ZYG11B: variants seen among roughly 807,000 people sequenced by gnomAD.
ZYG11B encodes the protein zyg-11 family member B, cell cycle regulator, also known as protein zyg-11 homolog B.
In ZYG11B, 36 loss-of-function variants were observed where a neutral mutation model predicts 82.4. That is an observed-to-expected ratio of 0.44 (90% CI 0.33 to 0.58). The LOEUF is 0.58. Ranked by LOEUF, ZYG11B falls within the 20% of genes least tolerant of loss-of-function variation. ZYG11B has a pLI of 0.02. For synonymous variants in ZYG11B, 303 were observed against 312.8 expected, an observed-to-expected ratio of 0.97 and a Z score of 0.33; for missense variants, 552 against 895.6, an observed-to-expected ratio of 0.62 and a Z score of 4.90.
At chr1:52,760,945 T>G (rs1644625012) in intron 2 of ZYG11B, among the ~76,000 whole-genome samples, 1 of 151,864 alleles carries the variant, frequency 6.6e-6, no homozygotes. Flanking sequence ...GTATTTTTAG[T>G]AGAGACAGGG....
rs866247959 is a variant in ZYG11B, at chr1:52,796,522, C to T, written c.1434+131C>T. 46 of 942,406 alleles carry T rather than the reference C, an allele frequency of 4.9e-5. 1 individual carries two copies. The Middle Eastern group carries it at 1.1e-3, about 22-fold the overall frequency. The allele number at this position is 942,406 out of a possible 1,614,324, so 58.4% of individuals were successfully genotyped here. ...CCAGCCTGCTTATTCAAGCTACATT[C>T]GATATTGCAGAATTTGGCTGGGCAC... On this transcript the variant is annotated intron_variant, in intron 7 of 13. Transcript: ENST00000294353.
At chr1:52,756,346 GAC>G in intron 1 of ZYG11B, 110 bp from the exon 2 acceptor site, 1 of 972,896 alleles carries the variant, frequency 1.0e-6, no homozygotes, top group Non-Finnish European at 1.5e-6. Context: ...GCATATGATA[GAC>G]ACTAAAGAAA....
rs1644857745 is a variant in ZYG11B, at chr1:52,781,679, A to C, written c.1092+1686A>C. 3.3e-5 allele frequency among the ~76,000 whole-genome samples: 5 copies of C among 152,148 alleles called. No individual in the cohort carries two copies. The South Asian group carries it at 1.0e-3, about 32-fold the overall frequency. ...AGGACTCTATTATATTTGGCACCTCATTTAGTGGGCACAATTCCAAGAGAT... is the reference window on the plus strand; with the variant it reads ...AGGACTCTATTATATTTGGCACCTCCTTTAGTGGGCACAATTCCAAGAGAT... On this transcript the variant is annotated intron_variant, in intron 4 of 13. Transcript: ENST00000294353.
intron 6 of ZYG11B, among the ~76,000 whole-genome samples, chr1:52,794,363 A>C (rs754432658): frequency 6.6e-6 from 1 of 152,224 alleles, no homozygotes; most frequent in East Asian, 1.9e-4. Context: ...GAAGAATGCA[A>C]GTAGTGGGCC....
At chr1:52,796,967 A>AAT (rs753622042) in intron 8 of ZYG11B, among the ~76,000 whole-genome samples, 183 bp downstream of exon 8, 2 of 78,164 alleles carry the variant, frequency 2.6e-5, no homozygotes, top group African/African-American at 6.5e-5. Context: ...TATTATATAT[A>AAT]ATATATATAA....
At chr1:52,755,822 CAG>C (rs1473482614) in intron 1 of ZYG11B, among the ~76,000 whole-genome samples, 3 of 151,976 alleles carry the variant, frequency 2.0e-5, no homozygotes, top group African/African-American at 7.3e-5. Context: ...TTTTTTGAGA[CAG>C]AGCCTCACTC....
intron 10 of ZYG11B, among the ~76,000 whole-genome samples, chr1:52,803,131 TATACACAC>T (rs1179886662): frequency 0.018 from 1,356 of 74,116 alleles, 110 homozygotes; most frequent in African/African-American, 0.052. Flanking sequence ...CACATATATA[TATACACAC>T]ATATATATAT....
chr1:52,801,868 C>G lies in ZYG11B; in HGVS notation c.1535C>G (p.Thr512Ser). The change falls in exon 9 of 14, where the codon ACT becomes AGT. Residue 512 changes from threonine to serine, a missense_variant. By Grantham distance (58) the Thr-to-Ser change is moderately conservative (BLOSUM62 1). Transcript: ENST00000294353. ...AAAACCAATCAAAATTCAGTGGACACTACATTGAAATTTACTTTGAGTGCA... is the reference window on the plus strand; with the variant it reads ...AAAACCAATCAAAATTCAGTGGACAGTACATTGAAATTTACTTTGAGTGCA... ...KQKTNQNSVD[T>S]TLKFTLSALW... 6.2e-7 allele frequency: 1 copy of G among 1,610,748 alleles called. No individual in the cohort carries two copies.
chr1:52,770,598 G>A (rs188715558), intron 2 of ZYG11B, among the ~76,000 whole-genome samples: 140 of 152,216 alleles, frequency 9.2e-4, no homozygotes, highest in African/African-American at 3.3e-3. Flanking sequence ...TCTCTAGAAC[G>A]TGAAGTCTCC....
In ZYG11B at chr1:52,771,697, C is replaced by A. The variant is rs1484445612; in HGVS notation, c.874C>A (p.Pro292Thr). 6.2e-7 allele frequency: 1 copy of A among 1,614,152 alleles called. No homozygotes were observed. The highest frequency in any genetic ancestry group is 1.3e-5 in the African/African-American group (1 of 75,034). Residue 292 changes from proline (P) to threonine (T), a missense_variant, in exon 3 of 14, where the codon CCA becomes ACA. By Grantham distance (38) the Pro-to-Thr change is conservative. Around this residue, in one of 3 missense-constraint regions of ZYG11B, gnomAD observed 359 missense variants for 555.8 expected, o/e 0.65. Transcript: ENST00000294353. This position sits in a 1 kb window ranked among gnomAD's most constrained non-coding sequence, Gnocchi z 5.4. ...CGTTGAAGCCTTTATACAACAACGT[C>A]CAAGCATGCAATTTGTAGGTTTGCT... ...KAVEAFIQQR[P>T]SMQFVGLLAT... is the part of the protein sequence containing the mutation.
At chr1:52,804,245 C>T (rs1558141090) in intron 10 of ZYG11B, among the ~76,000 whole-genome samples, 1 of 151,320 alleles carries the variant, frequency 6.6e-6, no homozygotes. Context: ...GACCCAGTCT[C>T]TTAAAAAAAA....
At chr1:52,772,252 C>T (rs1039855240) in intron 3 of ZYG11B, 9 of 1,322,824 alleles carry the variant, frequency 6.8e-6, no homozygotes, top group Middle Eastern at 1.9e-4. Flanking sequence ...AGGGAGGACT[C>T]GCTTGGTCTT....
chr1:52,796,430 T>C lies in ZYG11B; in HGVS notation c.1434+39T>C, dbSNP rs1394619301. 4 of 1,485,296 alleles carry C rather than the reference T, an allele frequency of 2.7e-6. No homozygotes were observed. In the East Asian group the frequency reaches 6.8e-5, roughly 25 times the overall value. The allele number at this position is 1,485,296 out of a possible 1,614,324, so 92.0% of individuals were successfully genotyped here. On this transcript the variant is annotated intron_variant, in intron 7 of 13. Transcript: ENST00000294353. ...TGCTGAATAATTTTCTGTAGACAGC[T>C]GTTTCTCACTACATTTACTGTTTCC...
chr1:52,797,367 AATATAT>A (rs1210097461), intron 8 of ZYG11B, among the ~76,000 whole-genome samples: 1 of 20,940 alleles, frequency 4.8e-5, no homozygotes, highest in African/African-American at 1.3e-3. Flanking sequence ...TAATACATAT[AATATAT>A]AATATATAAT....
chr1:52,776,229 A>ATATATATATATATATATATAT lies in ZYG11B; in HGVS notation c.952-3624_952-3623insTATATATATATATATATATAT, dbSNP rs1553260250. Reference sequence around the variant, plus strand: ...AGCAAAACTCTGTCTTAAAAAAAAAAATATATATATATATATGCAATAAAG... The same window carrying ATATATATATATATATATATAT: ...AGCAAAACTCTGTCTTAAAAAAAAAATATATATATATATATATATATATATATATATATATATGCAATAAAG... On this transcript the variant is annotated intron_variant, in intron 3 of 13. Coordinates refer to ENST00000294353, the MANE Select transcript of ZYG11B (RefSeq NM_024646.3). Among the ~76,000 whole-genome samples, 88 of 23,536 alleles carry ATATATATATATATATATATAT rather than the reference A, an allele frequency of 3.7e-3. 14 individuals carry two copies. The highest frequency in any genetic ancestry group is 9.5e-3 in the South Asian group (4 of 420). The allele number at this position is 23,536 out of a possible 152,430, so 15.4% of individuals were successfully genotyped here. A position where few individuals can be genotyped will look rare whatever the true frequency, so the allele number is the denominator to read the frequency against.
Position 52,813,521 on chromosome 1 carries a change from C to T in ZYG11B, c.1696-15C>T, listed in dbSNP as rs1487112252. The T allele has an allele frequency of 5.0e-6, 7 of 1,391,964 alleles. No homozygotes were observed. The highest frequency in any genetic ancestry group is 2.9e-5 in the African/African-American group (2 of 67,844). 86.2% of individuals were successfully genotyped at this position (1,391,964 alleles called of 1,614,324 possible). A position where few individuals can be genotyped will look rare whatever the true frequency, so the allele number is the denominator to read the frequency against. On this transcript the variant is annotated splice_polypyrimidine_tract_variant and intron_variant, in intron 10 of 13. Transcript: ENST00000294353. ...CATATTACATTAATTTTTATATTTT[C>T]TTTTTTTTTTCCAGAACAATATAGC...
At chr1:52,808,704 A>G (rs1173939085) in intron 10 of ZYG11B, among the ~76,000 whole-genome samples, 4 of 152,098 alleles carry the variant, frequency 2.6e-5, no homozygotes, top group African/African-American at 9.7e-5. Flanking sequence ...TTTTCCCCAT[A>G]TTGGAGTCCT....
chr1:52,773,595 T>C (rs1377466121), intron 3 of ZYG11B, among the ~76,000 whole-genome samples: 1 of 90,268 alleles, frequency 1.1e-5, no homozygotes, highest in African/African-American at 4.1e-5. Context: ...ATGTATGCTT[T>C]AAACTATATA....
At chr1:52,800,951 A>C (rs1187278827) in intron 8 of ZYG11B, among the ~76,000 whole-genome samples, 1 of 152,232 alleles carries the variant, frequency 6.6e-6, no homozygotes. Flanking sequence ...CTGTTTTAAC[A>C]GAGCTTCCTT....
Sources: gnomAD v4.1 joint callset for allele counts (sites outside exome capture counted in the v4.1 genomes callset) on GRCh38, gnomAD v4.1.1 for gene constraint, gnomAD v4.1.1 regional missense constraint, Gnocchi (gnomAD v3.1) non-coding constraint, MANE v1.5 for transcripts, NCBI Gene and HGNC (gene_info 2026-07-23, HGNC 2026-07-21) for gene names.